Variants in ANKRD31 observed in about 807,000 individuals in gnomAD.
ANKRD31 encodes ankyrin repeat domain-containing protein 31.
In ANKRD31, 147 loss-of-function variants were observed where a neutral mutation model predicts 186.0. The observed-to-expected ratio is 0.79, with a 90% CI of 0.69 to 0.91. ANKRD31 has a LOEUF of 0.91. ANKRD31 is among the 40% of genes least tolerant of loss of function. The pLI, the probability that ANKRD31 is intolerant of heterozygous loss-of-function variation, is 0.00. For missense variants in ANKRD31, 1,986 were observed against 2,148.8 expected (o/e 0.92, Z 1.50); for synonymous variants, 673 against 736.4 (o/e 0.91, Z 1.39).
rs564779349 is a variant in ANKRD31, at chr5:75,123,765, T to C, written c.3877-5468A>G. On this transcript the variant is annotated intron_variant, in intron 17 of 25. Transcript: ENST00000506364. ...GCCATACGTAGAAGAATGTCTCTAA[T>C]CATATAAAAAATCAAATATAGACAA... Among the ~76,000 whole-genome samples, 10 of 151,870 alleles carry C rather than the reference T, an allele frequency of 6.6e-5. No homozygotes were observed. The South Asian group carries it at 1.7e-3, about 25-fold the overall frequency.
At chr5:75,231,594 T>A (rs2150322837) in intron 1 of ANKRD31, among the ~76,000 whole-genome samples, 1 of 152,202 alleles carries the variant, frequency 6.6e-6, no homozygotes, top group Admixed American at 6.5e-5. Flanking sequence ...ACAAAAGACT[T>A]GAATAGACAT....
chr5:75,108,166 C>T (rs962620035), intron 20 of ANKRD31, among the ~76,000 whole-genome samples: 1 of 151,538 alleles, frequency 6.6e-6, no homozygotes, highest in African/African-American at 2.4e-5. Flanking sequence ...ATTTTAAATA[C>T]TTACACTATA....
intron 10 of ANKRD31, 138 bp from the exon 11 acceptor site, chr5:75,169,259 T>G (rs1372933215): frequency 2.0e-6 from 2 of 991,986 alleles, no homozygotes; most frequent in Admixed American, 5.4e-5. Context: ...TAGTATCACC[T>G]GAAAGCACAC....
intron 10 of ANKRD31, among the ~76,000 whole-genome samples, chr5:75,177,772 C>T (rs143478416): frequency 0.036 from 5,554 of 152,186 alleles, 330 homozygotes; most frequent in African/African-American, 0.13. Context: ...CCAGCCACTA[C>T]AAAAACATGC....
At chr5:75,199,364 A>T (rs1452337202) in intron 6 of ANKRD31, among the ~76,000 whole-genome samples, 1 of 152,206 alleles carries the variant, frequency 6.6e-6, no homozygotes, top group South Asian at 2.1e-4. Context: ...AAACAGTTTG[A>T]TAACAAGTTA....
At chr5:75,098,491 G>C (rs1219556821) in intron 22 of ANKRD31, among the ~76,000 whole-genome samples, 2 of 151,986 alleles carry the variant, frequency 1.3e-5, no homozygotes, top group Non-Finnish European at 2.9e-5. Context: ...GCTTGATGGG[G>C]ATGGCATTGA....
At chr5:75,176,505 C>A (rs574002347) in intron 10 of ANKRD31, among the ~76,000 whole-genome samples, 1 of 152,174 alleles carries the variant, frequency 6.6e-6, no homozygotes, top group African/African-American at 2.4e-5. Flanking sequence ...ACTGACACCT[C>A]ACATGGCCGG....
chr5:75,094,426 A>G (rs986091162), intron 22 of ANKRD31, among the ~76,000 whole-genome samples: 2 of 152,154 alleles, frequency 1.3e-5, no homozygotes, highest in African/African-American at 2.4e-5. Context: ...CAGAAGTAAC[A>G]TTTCTATATT....
intron 17 of ANKRD31, among the ~76,000 whole-genome samples, chr5:75,131,164 C>T (rs1240740324): frequency 6.6e-6 from 1 of 152,148 alleles, no homozygotes; most frequent in East Asian, 1.9e-4. Context: ...CCTCTCCCTC[C>T]ACACCTCCCC....
intron 24 of ANKRD31, among the ~76,000 whole-genome samples, chr5:75,080,988 T>C (rs559449593): frequency 5.9e-5 from 9 of 152,294 alleles, no homozygotes; most frequent in Middle Eastern, 3.4e-3. Flanking sequence ...GATATTTCGA[T>C]ATGCAGAAGA....
intron 17 of ANKRD31, among the ~76,000 whole-genome samples, chr5:75,132,647 A>T (rs1749970207): frequency 6.6e-6 from 1 of 152,216 alleles, no homozygotes; most frequent in Non-Finnish European, 1.5e-5. Flanking sequence ...CAACATTCAA[A>T]TTCAGGAAAT....
intron 1 of ANKRD31, among the ~76,000 whole-genome samples, chr5:75,235,482 G>T (rs558964956): frequency 6.6e-6 from 1 of 151,984 alleles, no homozygotes; most frequent in Non-Finnish European, 1.5e-5. Flanking sequence ...GTTTGTTTTC[G>T]GTTTTTTGGT....
At position 75,118,265 on chromosome 5, in the gene ANKRD31, G is replaced by T. The variant is rs1429943591; in HGVS notation, c.3909C>A (p.Asn1303Lys). ...AAEILLQNGA[N>K]PNQKDQKQKS... ...TCTGTTTTTGATCTTTTTGATTAGG[G>T]TTTGCTCCATTTTGTAGTAGAATCT... The change falls in exon 18 of 26, where the codon AAC becomes AAA. Residue 1303 changes from asparagine to lysine, a missense_variant. By Grantham distance (94) the Asn-to-Lys change is moderately conservative. Coordinates refer to ENST00000506364, the MANE Select transcript of ANKRD31 (RefSeq NM_001372053.1). The T allele has an allele frequency of 2.0e-6, 3 of 1,512,292 alleles. No individual in the cohort carries two copies. In the South Asian group the frequency reaches 3.8e-5, roughly 19 times the overall value. 93.7% of individuals were successfully genotyped at this position (1,512,292 alleles called of 1,614,324 possible). A position where few individuals can be genotyped will look rare whatever the true frequency, so the allele number is the denominator to read the frequency against.
chr5:75,150,937 G>A (rs776980106), intron 12 of ANKRD31, among the ~76,000 whole-genome samples: 2 of 151,886 alleles, frequency 1.3e-5, no homozygotes, highest in Non-Finnish European at 2.9e-5. Context: ...ACAAGTTACT[G>A]TCTGTCTCAC....
intron 11 of ANKRD31, among the ~76,000 whole-genome samples, chr5:75,157,752 GAC>G (rs1450024648): frequency 6.6e-6 from 1 of 152,138 alleles, no homozygotes; most frequent in African/African-American, 2.4e-5. Context: ...GAATCCCTGT[GAC>G]ACACGGTAAA....
intron 17 of ANKRD31, among the ~76,000 whole-genome samples, chr5:75,133,530 C>T (rs1476554348): frequency 2.0e-5 from 3 of 152,152 alleles, no homozygotes; most frequent in Non-Finnish European, 2.9e-5. Context: ...CCTTAGTGTA[C>T]TACAAAGAGA....
intron 22 of ANKRD31, among the ~76,000 whole-genome samples, chr5:75,096,667 T>A (rs189002427): frequency 0.032 from 4,456 of 137,632 alleles, 167 homozygotes; most frequent in African/African-American, 0.12. Context: ...TTTAAAAAAA[T>A]TTTTTTTTTA....
intron 12 of ANKRD31, among the ~76,000 whole-genome samples, chr5:75,152,466 G>A (rs1209342330): frequency 1.3e-5 from 2 of 152,040 alleles, no homozygotes; most frequent in African/African-American, 4.8e-5. Context: ...AACTGCAAAG[G>A]TGGAAGCCTT....
chr5:75,123,770 T>C (rs976911358), intron 17 of ANKRD31, among the ~76,000 whole-genome samples: 2 of 151,888 alleles, frequency 1.3e-5, no homozygotes, highest in Non-Finnish European at 2.9e-5. Context: ...TCTAATCATA[T>C]AAAAAATCAA....
Sources: allele counts gnomAD v4.1 joint callset (sites outside exome capture counted in the v4.1 genomes callset), GRCh38; gene constraint gnomAD v4.1.1; transcripts MANE v1.5; gene names NCBI Gene and HGNC (gene_info 2026-07-23, HGNC 2026-07-21).